Variants in NCKAP5L observed in about 807,000 individuals in gnomAD.
NCKAP5L encodes the protein nck-associated protein 5-like.
NCKAP5L carries 54 observed loss-of-function variants against 103.2 expected under a neutral mutation model. That is an observed-to-expected ratio of 0.52 (90% CI 0.42 to 0.66). The LOEUF (loss-of-function observed/expected upper bound fraction) is 0.66. Among genes scored for constraint, NCKAP5L ranks in the 30% least tolerant of loss-of-function variants. The pLI is 0.00. For missense variants in NCKAP5L, 1,733 were observed against 1,750.6 expected (o/e 0.99, Z 0.18); for synonymous variants, 762 against 748.6 (o/e 1.02, Z -0.29).
Position 49,803,126 on chromosome 12 carries a change from G to T in NCKAP5L, c.163C>A (p.Arg55=). 6.2e-7 allele frequency: 1 copy of T among 1,614,254 alleles called. No homozygotes were observed. Among genetic ancestry groups the T allele is most frequent in the Non-Finnish European group, 8.5e-7 (1 of 1,180,050 alleles). The change falls in exon 4 of 13, where the codon CGG becomes AGG. Residue 55 remains arginine, a synonymous_variant. Coordinates refer to ENST00000335999, the MANE Select transcript of NCKAP5L (RefSeq NM_001037806.4). ...SALAQANENQ[R]ETYERCLDEV... ...TCCAGACAGCGCTCATAAGTCTCCC[G>T]CTGGTTTTCGTTGGCCTGGGCAAGT...
intron 1 of NCKAP5L, among the ~76,000 whole-genome samples, chr12:49,825,606 C>G (rs1457646577): frequency 6.6e-6 from 1 of 152,074 alleles, no homozygotes; most frequent in Non-Finnish European, 1.5e-5. Context: ...CAGCATTAGC[C>G]ACTTTCTGGG....
rs1287020414 is a variant in NCKAP5L at position 49,797,216 on chromosome 12, G to A, written c.644C>T (p.Pro215Leu). Residue 215 changes from proline to leucine, a missense_variant, in exon 8 of 13, where the codon CCA becomes CTA. By Grantham distance (98) the Pro-to-Leu change is moderately conservative (BLOSUM62 -3). Transcript: ENST00000335999. This position sits in a 1 kb window ranked among gnomAD's most constrained non-coding sequence, Gnocchi z 4.5. ...LCSPATPWRP[P>L]GQGPGSPEPI... ...CTCTGGGGAGCCAGGCCCCTGGCCT[G>A]GAGGCCGCCAGGGGGTGGCAGGTGA... 1 of 1,613,384 alleles carries A rather than the reference G, an allele frequency of 6.2e-7. No homozygotes were observed. The highest frequency in any genetic ancestry group is 8.5e-7 in the Non-Finnish European group (1 of 1,179,784).
intron 1 of NCKAP5L, among the ~76,000 whole-genome samples, chr12:49,820,313 C>CT (rs55677422): frequency 0.024 from 2,952 of 121,366 alleles, 66 homozygotes; most frequent in East Asian, 0.043. Context: ...ATCTCCTGGC[C>CT]TTTTTTTTTT....
intron 1 of NCKAP5L, among the ~76,000 whole-genome samples, chr12:49,810,896 G>C (rs1436481814): frequency 6.6e-6 from 1 of 152,164 alleles, no homozygotes; most frequent in Non-Finnish European, 1.5e-5. Context: ...TAAGCGTATA[G>C]AAGGGTCCTC....
At chr12:49,814,843 T>C (rs1391160859) in intron 1 of NCKAP5L, among the ~76,000 whole-genome samples, 1 of 152,228 alleles carries the variant, frequency 6.6e-6, no homozygotes, top group East Asian at 1.9e-4. Flanking sequence ...CCAGTCTCCT[T>C]AGTGTCTACA....
rs1236561112 is a variant in NCKAP5L, at chr12:49,797,171, C to T, written c.689G>A (p.Cys230Tyr). 2 of 1,611,570 alleles carry T rather than the reference C, an allele frequency of 1.2e-6. No individual in the cohort carries two copies. Among genetic ancestry groups the T allele is most frequent in the Non-Finnish European group, 1.7e-6 (2 of 1,179,160 alleles). ...TGAGGGTTCAGGCTGAGGCGGGCCA[C>T]ACAGCTCGCCGTTGATGGGCTCTGG... is the stretch of plus-strand genomic sequence containing the variant. Reference protein sequence around the residue: ...GSPEPINGELCGPPQPEPSPW... With the variant: ...GSPEPINGELYGPPQPEPSPW... Residue 230 changes from cysteine (C) to tyrosine (Y), a missense_variant, in exon 8 of 13, where the codon TGT (cysteine) becomes TAT (tyrosine). Cys to Tyr is a radical substitution (Grantham distance 194). Coordinates refer to ENST00000335999, the MANE Select transcript of NCKAP5L (RefSeq NM_001037806.4). The surrounding 1 kb of genome is among the most constrained non-coding windows in gnomAD (Gnocchi z 4.5).
Position 49,796,499 on chromosome 12 carries a change from C to T in NCKAP5L, c.1361G>A (p.Arg454Lys), listed in dbSNP as rs764585478. The change falls in exon 8 of 13, where the codon AGG becomes AAG. Residue 454 changes from arginine (R) to lysine (K), a missense_variant. Physicochemically the swap from Arg to Lys is conservative, Grantham distance 26. Coordinates refer to ENST00000335999, the MANE Select transcript of NCKAP5L (RefSeq NM_001037806.4). ...AGGCAGCTTTAGAAACTTGAGACCC[C>T]TAGCTGGAGAGGGCAGAAGGGGTCC... is the stretch of plus-strand genomic sequence containing the variant. ...AQGPLLPSPARGLKFLKLPPT... is the reference protein window; with the variant it reads ...AQGPLLPSPAKGLKFLKLPPT... The T allele has an allele frequency of 3.9e-6, 6 of 1,542,102 alleles. No homozygotes were observed. The East Asian group carries it at 1.1e-4, about 29-fold the overall frequency.
Position 49,797,340 on chromosome 12 carries a change from G to A in NCKAP5L, c.520C>T (p.Pro174Ser). 1.9e-6 allele frequency: 3 copies of A among 1,612,254 alleles called. No individual in the cohort carries two copies. The highest frequency in any genetic ancestry group is 1.7e-5 in the Admixed American group (1 of 59,942). ...GGGGATAGGGCATCCAGCGCTGGGGGTGGGGCGGCTGGGGGGCCTGGGCCT... is the reference window on the plus strand; with the variant it reads ...GGGGATAGGGCATCCAGCGCTGGGGATGGGGCGGCTGGGGGGCCTGGGCCT... ...PGGPGPPAAPPPALDALSPFL... is the reference protein window; with the variant it reads ...PGGPGPPAAPSPALDALSPFL... Residue 174 changes from proline (P) to serine (S), a missense_variant, in exon 8 of 13, where the codon CCC becomes TCC. Pro to Ser is a moderately conservative substitution (Grantham distance 74). Transcript: ENST00000335999. This position sits in a 1 kb window ranked among gnomAD's most constrained non-coding sequence, Gnocchi z 4.5.
chr12:49,791,574 A>G lies in NCKAP5L; in HGVS notation c.*265T>C, dbSNP rs1268147397. 3 of 363,234 alleles carry G rather than the reference A, an allele frequency of 8.3e-6. No homozygotes were observed. Among genetic ancestry groups the G allele is most frequent in the Non-Finnish European group, 1.5e-5 (3 of 202,078 alleles). 22.5% of individuals were successfully genotyped at this position (363,234 alleles called of 1,614,324 possible). ...GGAGGGCTGCGACACAGTGGCCTTT[A>G]ACCCCCAGTCCCTTCCAGGAAGAGC... On this transcript the variant is annotated 3_prime_UTR_variant, in exon 13 of 13. Transcript: ENST00000335999.
At chr12:49,798,868 T>C (rs2137006473) in intron 6 of NCKAP5L, among the ~76,000 whole-genome samples, 1 of 152,306 alleles carries the variant, frequency 6.6e-6, no homozygotes, top group East Asian at 1.9e-4. Context: ...TAGGGACAGC[T>C]GAGATAAATG....
At chr12:49,807,540 G>T (rs1232065944) in intron 1 of NCKAP5L, among the ~76,000 whole-genome samples, 1 of 152,002 alleles carries the variant, frequency 6.6e-6, no homozygotes, top group Admixed American at 6.6e-5. Flanking sequence ...ATAATCTGAA[G>T]TTTTTTATTT....
intron 6 of NCKAP5L, among the ~76,000 whole-genome samples, chr12:49,798,864 CA>C (rs1449978957): frequency 6.6e-6 from 1 of 152,198 alleles, no homozygotes; most frequent in African/African-American, 2.4e-5. Context: ...ATCATAGGGA[CA>C]GCTGAGATAA....
intron 1 of NCKAP5L, among the ~76,000 whole-genome samples, chr12:49,823,774 T>C (rs1946386353): frequency 6.6e-6 from 1 of 152,126 alleles, no homozygotes; most frequent in Non-Finnish European, 1.5e-5. Context: ...AAATCAGTAA[T>C]AACAGCAACA....
intron 1 of NCKAP5L, among the ~76,000 whole-genome samples, chr12:49,810,319 C>T (rs753307097): frequency 3.3e-5 from 5 of 152,196 alleles, no homozygotes; most frequent in African/African-American, 4.8e-5. Flanking sequence ...CTAGCCCAGC[C>T]GAGGGTACTG....
chr12:49,796,936 G>A lies in NCKAP5L; in HGVS notation c.924C>T (p.Pro308=), dbSNP rs765673760. 15 of 1,606,118 alleles carry A rather than the reference G, an allele frequency of 9.3e-6. No individual in the cohort carries two copies. The highest frequency in any genetic ancestry group is 1.6e-4 in the Middle Eastern group (1 of 6,062). ...SSSSSDEAGD[P]NEAPSPDTLL... ...GGGTGTCGGGGCTGGGTGCCTCATT[G>A]GGGTCACCTGCCTCATCAGAAGAGG... is the stretch of plus-strand genomic sequence containing the variant. Residue 308 remains proline (P), a synonymous_variant, in exon 8 of 13, where the codon CCC becomes CCT. Coordinates refer to ENST00000335999, the MANE Select transcript of NCKAP5L (RefSeq NM_001037806.4).
Position 49,821,068 on chromosome 12 carries a change from A to T in NCKAP5L, c.-99+7254T>A, listed in dbSNP as rs1250931294. Among the ~76,000 whole-genome samples the T allele has an allele frequency of 3.3e-5, 5 of 152,274 alleles. No individual in the cohort carries two copies. The East Asian group carries it at 9.7e-4, about 29-fold the overall frequency. Reference sequence around the variant, plus strand: ...GTAAGGGTGGGGTAAGGAGCTCGGCAGGGCCTTCAGGGATAAGCTGCTGGC... The same window carrying T: ...GTAAGGGTGGGGTAAGGAGCTCGGCTGGGCCTTCAGGGATAAGCTGCTGGC... On this transcript the variant is annotated intron_variant, in intron 1 of 12. Transcript: ENST00000335999.
intron 1 of NCKAP5L, among the ~76,000 whole-genome samples, chr12:49,808,656 G>A (rs1225735638): frequency 6.6e-6 from 1 of 152,210 alleles, no homozygotes; most frequent in Non-Finnish European, 1.5e-5. Flanking sequence ...CATGGGGGAT[G>A]CCTGCCCAGG....
rs545244612 is a variant in NCKAP5L at position 49,794,009 on chromosome 12, C to T, written c.3096-113G>A. The T allele has an allele frequency of 1.7e-5, 17 of 1,009,222 alleles. No homozygotes were observed. The South Asian group carries it at 1.9e-4, about 12-fold the overall frequency. The allele number at this position is 1,009,222 out of a possible 1,614,324, so 62.5% of individuals were successfully genotyped here. A position where few individuals can be genotyped will look rare whatever the true frequency, so the allele number is the denominator to read the frequency against. On this transcript the variant is annotated intron_variant, in intron 8 of 12. Coordinates refer to ENST00000335999, the MANE Select transcript of NCKAP5L (RefSeq NM_001037806.4). ...GGAGGCACTTCCTGCCATCCACCCC[C>T]GGGGAAGGGGACATGTCGCTAGTGA...
At position 49,797,775 on chromosome 12, in the gene NCKAP5L, A is replaced by G. The variant is rs1946074928; in HGVS notation, c.466-381T>C. On this transcript the variant is annotated intron_variant, in intron 7 of 12. Transcript: ENST00000335999. This position sits in a 1 kb window ranked among gnomAD's most constrained non-coding sequence, Gnocchi z 4.5. ...TCTCGGGCCCAGAAAGAACACACAG[A>G]CTCCAGAAGGGAGTGTGATGTGGCC... Among the ~76,000 whole-genome samples, 4 of 151,970 alleles carry G rather than the reference A, an allele frequency of 2.6e-5. No individual in the cohort carries two copies. The highest frequency in any genetic ancestry group is 2.0e-4 in the Admixed American group (3 of 15,280).
Sources: allele counts gnomAD v4.1 joint callset (sites outside exome capture counted in the v4.1 genomes callset), GRCh38; gene constraint gnomAD v4.1.1; non-coding constraint Gnocchi (gnomAD v3.1); transcripts MANE v1.5; gene names NCBI Gene and HGNC (gene_info 2026-07-23, HGNC 2026-07-21).